The following LRRC8C variants were observed in gnomAD, a reference collection of about 807,000 sequenced individuals.
LRRC8C encodes the protein volume-regulated anion channel subunit LRRC8C.
LRRC8C carries 20 observed loss-of-function variants against 55.3 expected under a neutral mutation model. The observed-to-expected ratio is 0.36, with a 90% confidence interval of 0.25 to 0.53. The LOEUF is 0.53. Ranked by LOEUF, LRRC8C falls within the 20% of genes least tolerant of loss-of-function variation. The pLI, the probability that LRRC8C is intolerant of heterozygous loss-of-function variation, is 0.92. For synonymous variants in LRRC8C, 376 were observed against 360.7 expected, an observed-to-expected ratio of 1.04 and a Z score of -0.48; for missense variants, 659 against 951.4, an observed-to-expected ratio of 0.69 and a Z score of 4.04.
chr1:89,639,414 G>T (rs1002446197), intron 1 of LRRC8C, among the ~76,000 whole-genome samples: 7 of 152,160 alleles, frequency 4.6e-5, no homozygotes, highest in Non-Finnish European at 1.0e-4. Flanking sequence ...CCTTGCTTGG[G>T]TTCTTTAGGT....
the LRRC8C span, chr1:89,624,989 G>C: frequency 6.6e-6 from 1 of 152,126 alleles, no homozygotes; most frequent in East Asian, 1.9e-4. Flanking sequence ...ATCTCAAGGG[G>C]TAGAGTTCAA....
At chr1:89,691,818 A>C (rs558717797) in intron 2 of LRRC8C, among the ~76,000 whole-genome samples, 1 of 152,348 alleles carries the variant, frequency 6.6e-6, no homozygotes, top group East Asian at 1.9e-4. Flanking sequence ...TGGCTTATAA[A>C]ACAGGATTTT....
the LRRC8C span, among the ~76,000 whole-genome samples, chr1:89,621,161 A>G: frequency 2.6e-5 from 4 of 152,112 alleles, no homozygotes; most frequent in South Asian, 8.3e-4. Flanking sequence ...ATCATAAAAG[A>G]GTTTAAAAAT....
chr1:89,657,733 C>A, intron 1 of LRRC8C, among the ~76,000 whole-genome samples: 1 of 72,320 alleles, frequency 1.4e-5, no homozygotes, highest in African/African-American at 5.2e-5. Context: ...GAGTGAGACT[C>A]TGTATCAAAA....
the LRRC8C span, among the ~76,000 whole-genome samples, chr1:89,627,680 T>C: frequency 6.6e-6 from 1 of 152,222 alleles, no homozygotes; most frequent in Non-Finnish European, 1.5e-5. Context: ...TGAAATTGAC[T>C]TGCCTAGGCC....
chr1:89,709,712 TTTTTG>T (rs900971639), intron 2 of LRRC8C, among the ~76,000 whole-genome samples: 1 of 151,820 alleles, frequency 6.6e-6, no homozygotes, highest in Non-Finnish European at 1.5e-5. Flanking sequence ...CCTCTGTGTT[TTTTTG>T]TTTTGTTTTG....
intron 1 of LRRC8C, among the ~76,000 whole-genome samples, chr1:89,635,557 T>G (rs1253051095): frequency 6.6e-6 from 1 of 152,234 alleles, no homozygotes; most frequent in African/African-American, 2.4e-5. Flanking sequence ...CCAAGCCTCC[T>G]TAGTCTTAAT....
the LRRC8C span, among the ~76,000 whole-genome samples, chr1:89,627,659 C>T: frequency 6.6e-6 from 1 of 152,104 alleles, no homozygotes; most frequent in Non-Finnish European, 1.5e-5. Flanking sequence ...AGTGAGTAAG[C>T]ATGAGAACCC....
At chr1:89,637,986 T>TA (rs1656342117) in intron 1 of LRRC8C, among the ~76,000 whole-genome samples, 1 of 152,164 alleles carries the variant, frequency 6.6e-6, no homozygotes, top group African/African-American at 2.4e-5. Flanking sequence ...GACAAGGTGA[T>TA]ACGGGTTCAG....
intron 2 of LRRC8C, among the ~76,000 whole-genome samples, chr1:89,700,125 T>C (rs1658277825): frequency 6.6e-6 from 1 of 152,186 alleles, no homozygotes; most frequent in South Asian, 2.1e-4. Context: ...CCAGGAGAAA[T>C]GGGTCTACCT....
intron 1 of LRRC8C, among the ~76,000 whole-genome samples, chr1:89,662,027 C>A (rs570726403): frequency 6.6e-6 from 1 of 152,132 alleles, no homozygotes; most frequent in Non-Finnish European, 1.5e-5. Flanking sequence ...CAGGAGTGAA[C>A]CTGGGGTGCC....
At chr1:89,649,096 A>G (rs1012905167) in intron 1 of LRRC8C, among the ~76,000 whole-genome samples, 1 of 152,166 alleles carries the variant, frequency 6.6e-6, no homozygotes, top group Non-Finnish European at 1.5e-5. Flanking sequence ...TCCCCTAGGA[A>G]TAGAATTTCT....
intron 1 of LRRC8C, among the ~76,000 whole-genome samples, chr1:89,671,044 C>A (rs1375401505): frequency 4.0e-5 from 6 of 151,874 alleles, no homozygotes; most frequent in African/African-American, 1.5e-4. Flanking sequence ...CACATATGCT[C>A]TTTTTTTTCT....
rs1033377967 is a variant in LRRC8C at position 89,633,215 on chromosome 1, C to G, written c.-112C>G. 2 of 152,420 alleles carry G rather than the reference C, an allele frequency of 1.3e-5. No individual in the cohort carries two copies. Among genetic ancestry groups the G allele is most frequent in the African/African-American group, 4.8e-5 (2 of 41,446 alleles). 9.4% of individuals were successfully genotyped at this position (152,420 alleles called of 1,614,324 possible). On this transcript the variant is annotated 5_prime_UTR_variant, in exon 1 of 3. Coordinates refer to ENST00000370454, the MANE Select transcript of LRRC8C (RefSeq NM_032270.5). The stretch of plus-strand genomic sequence containing the variant: ...GTGCTCGGGCGCGACAAGCCATGAG[C>G]AGCGACCCCGCGGGCGACGCCGCCG...
chr1:89,634,945 G>A (rs1656237091), intron 1 of LRRC8C, among the ~76,000 whole-genome samples: 1 of 152,178 alleles, frequency 6.6e-6, no homozygotes, highest in Admixed American at 6.5e-5. Context: ...ATTGGGCACA[G>A]ACAGGACCCA....
intron 1 of LRRC8C, among the ~76,000 whole-genome samples, chr1:89,658,017 T>C (rs1656998488): frequency 6.6e-6 from 1 of 152,206 alleles, no homozygotes; most frequent in Non-Finnish European, 1.5e-5. Flanking sequence ...GTTTTTTTAT[T>C]GAAATATACC....
At chr1:89,694,226 T>TA (rs1320870177) in intron 2 of LRRC8C, among the ~76,000 whole-genome samples, 1 of 152,134 alleles carries the variant, frequency 6.6e-6, no homozygotes, top group African/African-American at 2.4e-5. Flanking sequence ...TTTTACTTCT[T>TA]GTCATCTATC....
chr1:89,617,679 G>C, the LRRC8C span, among the ~76,000 whole-genome samples: 1 of 152,100 alleles, frequency 6.6e-6, no homozygotes, highest in Non-Finnish European at 1.5e-5. Context: ...TGTCCTTCAT[G>C]AGACTGCCCT....
At chr1:89,699,414 A>G (rs1212909994) in intron 2 of LRRC8C, among the ~76,000 whole-genome samples, 5 of 152,194 alleles carry the variant, frequency 3.3e-5, no homozygotes, top group Non-Finnish European at 2.9e-5. Flanking sequence ...CATCGATTGT[A>G]ACAAATGTAC....
Sources: allele counts gnomAD v4.1 joint callset (sites outside exome capture counted in the v4.1 genomes callset), GRCh38; gene constraint gnomAD v4.1.1; transcripts MANE v1.5; gene names NCBI Gene and HGNC (gene_info 2026-07-23, HGNC 2026-07-21).